Variants in IPO11 observed in about 807,000 individuals in gnomAD.
IPO11 encodes importin-11.
IPO11 carries 66 observed loss-of-function variants against 143.2 expected under a neutral mutation model. That is an observed-to-expected ratio of 0.46 (90% CI 0.38 to 0.57). The LOEUF (loss-of-function observed/expected upper bound fraction) is 0.57. Ranked by LOEUF, IPO11 falls within the 20% of genes least tolerant of loss-of-function variation. The pLI, the probability that IPO11 is intolerant of heterozygous loss-of-function variation, is 0.00. For missense variants in IPO11, 1,026 were observed against 1,141.0 expected (o/e 0.90, Z 1.45); for synonymous variants, 385 against 377.8 (o/e 1.02, Z -0.22).
chr5:62,439,592 T>C (rs1744386499), intron 2 of IPO11, among the ~76,000 whole-genome samples: 1 of 140,654 alleles, frequency 7.1e-6, no homozygotes, highest in Non-Finnish European at 1.6e-5. Flanking sequence ...TGGCCCAGTC[T>C]TTTTTTTTTT....
rs557425737 is a variant in IPO11, at chr5:62,427,808, A to T, written c.-6-9466A>T. 4.6e-5 allele frequency among the ~76,000 whole-genome samples: 7 copies of T among 152,254 alleles called. No homozygotes were observed. In the South Asian group the frequency reaches 1.5e-3, roughly 32 times the overall value. On this transcript the variant is annotated intron_variant, in intron 1 of 29. Transcript: ENST00000325324. ...GTCTTCCATGAAACCAGTCCCTGGT[A>T]CCAAAAAGGTTGGGGGCTGGTGTCA...
Position 62,536,689 on chromosome 5 carries a change from ATTG to A in IPO11, c.2090-10_2090-8del. The A allele has an allele frequency of 1.3e-6, 2 of 1,574,876 alleles. No individual in the cohort carries two copies. Reference sequence around the variant, plus strand: ...TAATTTGGTTTTTTGTTTGACATTTATTGTTTTGGCAGAACTAAGTTCAGAAAA... The same window carrying A: ...TAATTTGGTTTTTTGTTTGACATTTATTTTGGCAGAACTAAGTTCAGAAAA... On this transcript the variant is annotated splice_polypyrimidine_tract_variant and intron_variant, in intron 22 of 29. Coordinates refer to ENST00000325324, the MANE Select transcript of IPO11 (RefSeq NM_016338.5).
At chr5:62,521,209 T>C (rs1159140394) in intron 20 of IPO11, among the ~76,000 whole-genome samples, 1 of 152,216 alleles carries the variant, frequency 6.6e-6, no homozygotes, top group Admixed American at 6.5e-5. Flanking sequence ...TTTTCTTGTT[T>C]TACATTCTTT....
At chr5:62,452,011 C>T in intron 5 of IPO11, 78 bp downstream of exon 5, 1 of 1,156,392 alleles carries the variant, frequency 8.6e-7, no homozygotes. Flanking sequence ...GTAATCTCAG[C>T]ACTTTGGGAG....
chr5:62,498,805 G>A (rs1420389159), intron 16 of IPO11, among the ~76,000 whole-genome samples: 1 of 152,178 alleles, frequency 6.6e-6, no homozygotes, highest in Non-Finnish European at 1.5e-5. Context: ...GGCAGGTGGA[G>A]GTTGCAGTGA....
In IPO11 at chr5:62,461,754, G is replaced by A. The variant is rs1051859524; in HGVS notation, c.517-5377G>A. The stretch of plus-strand genomic sequence containing the variant: ...GTGCCAGGCATCTTATGTGCTTTTC[G>A]TATCTGTAGTCCTTAAAGTACAGGT... On this transcript the variant is annotated intron_variant, in intron 5 of 29. Transcript: ENST00000325324. Among the ~76,000 whole-genome samples the A allele has an allele frequency of 5.3e-5, 8 of 152,040 alleles. No homozygotes were observed. In the East Asian group the frequency reaches 5.8e-4, roughly 11 times the overall value.
At chr5:62,525,613 G>A (rs1742345948) in intron 20 of IPO11, among the ~76,000 whole-genome samples, 1 of 152,148 alleles carries the variant, frequency 6.6e-6, no homozygotes, top group Admixed American at 6.5e-5. Flanking sequence ...CCAACTCCTG[G>A]CCCCAAGCAG....
chr5:62,521,992 G>C (rs148275257), intron 20 of IPO11, among the ~76,000 whole-genome samples: 204 of 152,054 alleles, frequency 1.3e-3, no homozygotes, highest in Non-Finnish European at 2.4e-3. Flanking sequence ...CCTGGTCTCT[G>C]TTTCTTTTAG....
chr5:62,428,160 G>T (rs1046812608), intron 1 of IPO11, among the ~76,000 whole-genome samples: 1 of 151,426 alleles, frequency 6.6e-6, no homozygotes, highest in Non-Finnish European at 1.5e-5. Context: ...GATCTTTTTG[G>T]CCCTGAGTTA....
At chr5:62,441,153 T>C (rs1233857914) in intron 2 of IPO11, among the ~76,000 whole-genome samples, 2 of 152,122 alleles carry the variant, frequency 1.3e-5, no homozygotes, top group Non-Finnish European at 2.9e-5. Context: ...TTTTTTTGAG[T>C]AATGGTTAAT....
intron 2 of IPO11, among the ~76,000 whole-genome samples, chr5:62,442,218 A>G (rs1180207359): frequency 1.3e-5 from 2 of 152,154 alleles, no homozygotes; most frequent in Non-Finnish European, 2.9e-5. Flanking sequence ...CATAGCATGT[A>G]TTAACCCCGG....
At chr5:62,470,390 C>A in intron 7 of IPO11, 82 bp downstream of exon 7, 1 of 1,203,850 alleles carries the variant, frequency 8.3e-7, no homozygotes, top group Non-Finnish European at 1.2e-6. Context: ...TTTTATTTGG[C>A]ATTCAATTAG....
rs374984071 is a variant in IPO11, at chr5:62,564,261, TCA to T, written c.2582+3007_2582+3008del. Among the ~76,000 whole-genome samples the T allele has an allele frequency of 3.0e-4, 46 of 152,318 alleles. No homozygotes were observed. The East Asian group carries it at 8.3e-3, about 27-fold the overall frequency. ...GCTTGTGACTTAGGAAGATTTATAG[TCA>T]CATACTGTAGTGGAACGTGCTGATA... is the stretch of plus-strand genomic sequence containing the variant. On this transcript the variant is annotated intron_variant, in intron 27 of 29. Transcript: ENST00000325324.
At chr5:62,526,442 A>G in intron 21 of IPO11, 185 bp downstream of exon 21, 2 of 440,704 alleles carry the variant, frequency 4.5e-6, no homozygotes, top group African/African-American at 2.0e-5. Context: ...TATAGTAGAC[A>G]AAGTTAAAGG....
At chr5:62,462,524 TA>T (rs1745397241) in intron 5 of IPO11, among the ~76,000 whole-genome samples, 1 of 151,896 alleles carries the variant, frequency 6.6e-6, no homozygotes, top group African/African-American at 2.4e-5. Context: ...TTGCTACCAT[TA>T]TTAAAAAAAA....
At chr5:62,579,265 C>T in intron 27 of IPO11, 2 of 636,086 alleles carry the variant, frequency 3.1e-6, no homozygotes, top group Non-Finnish European at 2.8e-6. Context: ...TTATTTTTTG[C>T]TATTACCATG....
intron 3 of IPO11, 149 bp from the exon 4 acceptor site, chr5:62,449,778 C>T (rs556266259): frequency 6.0e-6 from 3 of 495,924 alleles, no homozygotes; most frequent in East Asian, 3.4e-5. Flanking sequence ...TGCCAATATA[C>T]AAGTAATGGA....
At chr5:62,551,698 T>C (rs928783366) in intron 26 of IPO11, among the ~76,000 whole-genome samples, 7 of 152,234 alleles carry the variant, frequency 4.6e-5, no homozygotes, top group African/African-American at 1.7e-4. Flanking sequence ...TATTTTTTAA[T>C]GCCACAGATT....
chr5:62,503,399 T>TAG (rs1219402465), intron 16 of IPO11, among the ~76,000 whole-genome samples: 9 of 147,422 alleles, frequency 6.1e-5, no homozygotes, highest in African/African-American at 2.2e-4. Context: ...TCTATTAATA[T>TAG]ATTAATAGTA....
Sources: gnomAD v4.1 joint callset for allele counts (sites outside exome capture counted in the v4.1 genomes callset) on GRCh38, gnomAD v4.1.1 for gene constraint, MANE v1.5 for transcripts, NCBI Gene and HGNC (gene_info 2026-07-23, HGNC 2026-07-21) for gene names.